The following ANKLE2 variants were observed in gnomAD, a reference collection of about 807,000 sequenced individuals.
The protein encoded by ANKLE2 is ankyrin repeat and LEM domain containing 2, also known as ankyrin repeat and LEM domain-containing protein 2.
ANKLE2 carries 55 observed loss-of-function variants against 84.2 expected under a neutral mutation model. That is an observed-to-expected ratio of 0.65 (90% CI 0.53 to 0.82). The LOEUF (loss-of-function observed/expected upper bound fraction) is 0.82. Among genes scored for constraint, ANKLE2 ranks in the 40% least tolerant of loss-of-function variants. The pLI is 0.00. For missense variants in ANKLE2, 1,238 were observed against 1,201.9 expected, an observed-to-expected ratio of 1.03 and a Z score of -0.44; for synonymous variants, 551 against 486.1, an observed-to-expected ratio of 1.13 and a Z score of -1.76.
chr12:132,747,047 G>T (rs565066143), intron 5 of ANKLE2, among the ~76,000 whole-genome samples: 1 of 152,306 alleles, frequency 6.6e-6, no homozygotes, highest in South Asian at 2.1e-4. Context: ...CTGGCCCGGG[G>T]GGCACTCATC....
At chr12:132,733,004 G>C (rs1173000584) in intron 10 of ANKLE2, among the ~76,000 whole-genome samples, 1 of 140,074 alleles carries the variant, frequency 7.1e-6, no homozygotes, top group Non-Finnish European at 1.5e-5. Context: ...CCTGGTGTCT[G>C]ATATGCACTG....
Position 132,729,689 on chromosome 12 carries a change from A to T in ANKLE2, c.2473T>A (p.Phe825Ile). The change falls in exon 11 of 13, where the codon TTC becomes ATC. Residue 825 changes from phenylalanine (F) to isoleucine (I), a missense_variant. By Grantham distance (21) the Phe-to-Ile change is conservative (BLOSUM62 0). This residue lies in a region of ANKLE2 where 802 missense variants were observed against 774.5 expected (regional missense o/e 1.04). Transcript: ENST00000357997. The stretch of plus-strand genomic sequence containing the variant: ...GCAACACACTCCTACCCAAAAAGGA[A>T]GAGCCGCCTGGCCGGTTCCCTGGTG... The part of the protein sequence containing the change: ...EVTREPARRL[F>I]LFGEEPSKLD... 3.1e-6 allele frequency: 5 copies of T among 1,602,136 alleles called. No individual in the cohort carries two copies. In the South Asian group the frequency reaches 5.5e-5, roughly 18 times the overall value.
chr12:132,741,172 A>G (rs1009512543), intron 7 of ANKLE2, among the ~76,000 whole-genome samples: 20 of 152,220 alleles, frequency 1.3e-4, no homozygotes, highest in African/African-American at 4.3e-4. Flanking sequence ...ACACAACCTC[A>G]AAAAAGTTCT....
At chr12:132,751,296 G>C (rs2044351739) in intron 2 of ANKLE2, 1 of 154,842 alleles carries the variant, frequency 6.5e-6, no homozygotes, top group Non-Finnish European at 1.4e-5. Context: ...TCAAGCTCAA[G>C]TGCAGTGGCA....
intron 7 of ANKLE2, chr12:132,738,547 CAG>C (rs1437631159): frequency 7.0e-6 from 1 of 143,140 alleles, no homozygotes; most frequent in African/African-American, 2.6e-5. Context: ...TTTTTGGAAA[CAG>C]AGTCTCGCTC....
chr12:132,743,052 C>T lies in ANKLE2; in HGVS notation c.1353+102G>A. ...GCCCATAAAGCAAACACAACTCATA[C>T]AGAGCTCCTTGTGGCTTCCCTGTGC... On this transcript the variant is annotated intron_variant, in intron 6 of 12. Transcript: ENST00000357997. The surrounding 1 kb of genome is among the most constrained non-coding windows in gnomAD (Gnocchi z 4.1). 4 of 1,156,576 alleles carry T rather than the reference C, an allele frequency of 3.5e-6. No homozygotes were observed. Among genetic ancestry groups the T allele is most frequent in the Non-Finnish European group, 4.7e-6 (4 of 847,484 alleles). The allele number at this position is 1,156,576 out of a possible 1,614,324, so 71.6% of individuals were successfully genotyped here. A position where few individuals can be genotyped will look rare whatever the true frequency, so the allele number is the denominator to read the frequency against.
chr12:132,748,043 G>A, intron 4 of ANKLE2, 23 bp from the exon 5 acceptor site: 2 of 1,597,678 alleles, frequency 1.3e-6, no homozygotes, highest in Non-Finnish European at 1.7e-6. Flanking sequence ...CGCATGCTCT[G>A]AGCTTCCTAT....
intron 1 of ANKLE2, chr12:132,759,299 A>G (rs2044564413): frequency 6.6e-6 from 1 of 152,266 alleles, no homozygotes; most frequent in Admixed American, 6.5e-5. Context: ...CATTTGAGTT[A>G]TTTCAGTTTC....
In ANKLE2 at chr12:132,752,993, TA is replaced by T. The variant is rs374135387; in HGVS notation, c.640+1681del. Among the ~76,000 whole-genome samples the T allele has an allele frequency of 7.9e-3, 1,102 of 138,896 alleles. 7 individuals are homozygous for T. Among genetic ancestry groups the T allele is most frequent in the African/African-American group, 0.02 (749 of 37,214 alleles). The allele number at this position is 138,896 out of a possible 152,430, so 91.1% of individuals were successfully genotyped here. A position where few individuals can be genotyped will look rare whatever the true frequency, so the allele number is the denominator to read the frequency against. On this transcript the variant is annotated intron_variant, in intron 2 of 12. Transcript: ENST00000357997. The stretch of plus-strand genomic sequence containing the variant: ...AGCAATAAAGCGAGACCCAGTCTCT[TA>T]AAAAAAAAAAAAAAAATTTAATTAC...
Position 132,730,159 on chromosome 12 carries a change from G to A in ANKLE2, c.2003C>T (p.Ala668Val), listed in dbSNP as rs771061083. 2.5e-6 allele frequency: 4 copies of A among 1,611,032 alleles called. No homozygotes were observed. Among genetic ancestry groups the A allele is most frequent in the Non-Finnish European group, 1.7e-6 (2 of 1,178,678 alleles). The stretch of plus-strand genomic sequence containing the variant: ...GGCGCTGCACCTCGTATGTCCAAAA[G>A]CACCGACTGTGGGCGGGCTGTTATT... ...ARNNSPPTVG[A>V]FGHTRCSAFP... The change falls in exon 11 of 13, where the codon GCT becomes GTT. Residue 668 changes from alanine (A) to valine (V), a missense_variant. Around this residue, in one of 3 missense-constraint regions of ANKLE2, gnomAD observed 802 missense variants for 774.5 expected, o/e 1.04. Transcript: ENST00000357997.
At position 132,748,329 on chromosome 12, in the gene ANKLE2, C is replaced by T. The variant is rs1387524171; in HGVS notation, c.850G>A (p.Gly284Ser). 1.2e-6 allele frequency: 2 copies of T among 1,613,804 alleles called. No homozygotes were observed. The highest frequency in any genetic ancestry group is 1.7e-5 in the Admixed American group (1 of 59,996). ...GTTTCTGATTCCGACAAGCACAAAC[C>T]ATCTGTCAGTAAGAGACAGAATTTA... ...PLFSNDRLKD[G>S]LCLSESETVN... is the part of the protein sequence containing the mutation. The change falls in exon 4 of 13, where the codon GGT (glycine) becomes AGT (serine). Residue 284 changes from glycine to serine, a missense_variant and splice_region_variant. Coordinates refer to ENST00000357997, the MANE Select transcript of ANKLE2 (RefSeq NM_015114.3).
chr12:132,737,374 G>A (rs1253902919), intron 7 of ANKLE2: 2 of 289,974 alleles, frequency 6.9e-6, no homozygotes. Flanking sequence ...GGACCTGAGT[G>A]AATAAGAGTA....
intron 12 of ANKLE2, 91 bp downstream of exon 12, chr12:132,727,941 C>A: frequency 6.6e-7 from 1 of 1,504,896 alleles, no homozygotes; most frequent in South Asian, 1.3e-5. Context: ...TTGGGAAAAG[C>A]CACTGATAGG....
In ANKLE2 at chr12:132,729,865, C is replaced by G. The variant is rs1367285955; in HGVS notation, c.2297G>C (p.Arg766Thr). The change falls in exon 11 of 13, where the codon AGA becomes ACA. Residue 766 changes from arginine (R) to threonine (T), a missense_variant. Physicochemically the swap from Arg to Thr is moderately conservative, Grantham distance 71. Transcript: ENST00000357997. ...CAAGTCTCTTTCTACTGCATTGATT[C>G]TTGAAGTCAGGATCTGATCTTTAGT... Reference protein sequence around the residue: ...TKTKDQILTSRINAVERDLLE... With the variant: ...TKTKDQILTSTINAVERDLLE... The G allele has an allele frequency of 6.2e-7, 1 of 1,613,606 alleles. No homozygotes were observed. Among genetic ancestry groups the G allele is most frequent in the Non-Finnish European group, 8.5e-7 (1 of 1,179,846 alleles).
intron 1 of ANKLE2, chr12:132,756,841 G>C (rs187560444): frequency 6.6e-6 from 1 of 151,856 alleles, no homozygotes; most frequent in Non-Finnish European, 1.5e-5. Flanking sequence ...TGAGGCAGGA[G>C]ACTCGCTGGA....
intron 1 of ANKLE2, chr12:132,755,350 C>T (rs2136180015): frequency 2.2e-6 from 1 of 455,400 alleles, no homozygotes; most frequent in East Asian, 4.0e-5. Flanking sequence ...TCGAGACCAG[C>T]CCGGCCAACA....
At position 132,730,131 on chromosome 12, in the gene ANKLE2, G is replaced by A; in HGVS notation, c.2031C>T (p.Phe677=). ...GAFGHTRCSA[F]PLEQEADLIE... ...TGAGGTCTGCCTCCTGCTCCAAGGG[G>A]AAGGCGCTGCACCTCGTATGTCCAA... The change falls in exon 11 of 13, where the codon TTC becomes TTT. Residue 677 remains phenylalanine, a synonymous_variant. Coordinates refer to ENST00000357997, the MANE Select transcript of ANKLE2 (RefSeq NM_015114.3). 2 of 1,612,536 alleles carry A rather than the reference G, an allele frequency of 1.2e-6. No individual in the cohort carries two copies. Among genetic ancestry groups the A allele is most frequent in the Admixed American group, 3.3e-5 (2 of 60,000 alleles).
At position 132,753,145 on chromosome 12, in the gene ANKLE2, T is replaced by C. The variant is rs183664522; in HGVS notation, c.640+1530A>G. On this transcript the variant is annotated intron_variant, in intron 2 of 12. Transcript: ENST00000357997. ...GGGCAACATGGGGAAACATTGTCTCTACCAAGAATACAAAAAAACTGGCGC... is the reference window on the plus strand; with the variant it reads ...GGGCAACATGGGGAAACATTGTCTCCACCAAGAATACAAAAAAACTGGCGC... Among the ~76,000 whole-genome samples, 174 of 152,142 alleles carry C rather than the reference T, an allele frequency of 1.1e-3. 2 individuals carry two copies. The South Asian group carries it at 0.028, about 24-fold the overall frequency.
In ANKLE2 at chr12:132,735,302, C is replaced by G. The variant is rs10781636; in HGVS notation, c.1700+104G>C. The G allele has an allele frequency of 0.57, 611,335 of 1,063,384 alleles. 179,705 individuals are homozygous for G. The highest frequency in any genetic ancestry group is 0.82 in the East Asian group (34,581 of 42,226). The allele number at this position is 1,063,384 out of a possible 1,614,324, so 65.9% of individuals were successfully genotyped here. A position where few individuals can be genotyped will look rare whatever the true frequency, so the allele number is the denominator to read the frequency against. ...AAAAGGACCAAGTCTCCCAGAAAAGCCTTCTGGAAATTGGTACTTTGAAGC... is the reference window on the plus strand; with the variant it reads ...AAAAGGACCAAGTCTCCCAGAAAAGGCTTCTGGAAATTGGTACTTTGAAGC... On this transcript the variant is annotated intron_variant, in intron 9 of 12. Coordinates refer to ENST00000357997, the MANE Select transcript of ANKLE2 (RefSeq NM_015114.3).
Sources: gnomAD v4.1 joint callset for allele counts (sites outside exome capture counted in the v4.1 genomes callset) on GRCh38, gnomAD v4.1.1 for gene constraint, gnomAD v4.1.1 regional missense constraint, Gnocchi (gnomAD v3.1) non-coding constraint, MANE v1.5 for transcripts, NCBI Gene and HGNC (gene_info 2026-07-23, HGNC 2026-07-21) for gene names.